Variants in NELL1 observed in about 807,000 individuals in gnomAD.
NELL1 encodes the protein neural EGFL like 1.
Under a neutral mutation model 107.4 loss-of-function variants are expected in NELL1, and 76 were observed. The ratio of observed to expected loss-of-function variants is 0.71; its 90% CI spans 0.59 to 0.86. The LOEUF is 0.86. Among genes scored for constraint, NELL1 ranks in the 40% least tolerant of loss-of-function variants. NELL1 has a pLI of 0.00. For missense variants in NELL1, 1,024 were observed against 1,005.5 expected, an observed-to-expected ratio of 1.02 and a Z score of -0.25; for synonymous variants, 353 against 341.2, an observed-to-expected ratio of 1.03 and a Z score of -0.38.
rs79537791 is a variant in NELL1 at position 20,868,647 on chromosome 11, A to G, written c.507-16797A>G. Among the ~76,000 whole-genome samples, 812 of 152,298 alleles carry G rather than the reference A, an allele frequency of 5.3e-3. 9 individuals are homozygous for G. The highest frequency in any genetic ancestry group is 0.019 in the African/African-American group (784 of 41,572). Reference sequence around the variant, plus strand: ...ATGAATTATATGAATGAGTAAATGAAATAATTATATTTCAATAAAGCTATT... The same window carrying G: ...ATGAATTATATGAATGAGTAAATGAGATAATTATATTTCAATAAAGCTATT... On this transcript the variant is annotated intron_variant, in intron 4 of 19. Transcript: ENST00000357134.
chr11:20,727,430 T>A (rs1402256257), intron 2 of NELL1, among the ~76,000 whole-genome samples: 2 of 152,230 alleles, frequency 1.3e-5, no homozygotes, highest in Non-Finnish European at 2.9e-5. Context: ...CTTTGCCCAC[T>A]TTTTGATGGG....
At chr11:21,090,284 A>G (rs1308654119) in intron 12 of NELL1, among the ~76,000 whole-genome samples, 1 of 152,188 alleles carries the variant, frequency 6.6e-6, no homozygotes, top group Non-Finnish European at 1.5e-5. Context: ...GGTGTTAGCC[A>G]CAAAATTATG....
chr11:21,301,005 C>T (rs1488212426), intron 14 of NELL1, among the ~76,000 whole-genome samples: 3 of 152,182 alleles, frequency 2.0e-5, no homozygotes, highest in Admixed American at 1.3e-4. Context: ...GTTTGGTTTT[C>T]TGTCCTTGCG....
chr11:20,958,873 C>A (rs1433488270), intron 11 of NELL1, among the ~76,000 whole-genome samples: 4 of 152,138 alleles, frequency 2.6e-5, no homozygotes, highest in East Asian at 3.9e-4. Flanking sequence ...AATGTCCATC[C>A]ATGGTATAGG....
At chr11:21,261,056 A>C (rs1005139397) in intron 14 of NELL1, among the ~76,000 whole-genome samples, 2 of 151,814 alleles carry the variant, frequency 1.3e-5, no homozygotes, top group Non-Finnish European at 2.9e-5. Flanking sequence ...ATAGTTAGCA[A>C]CTGTATTCAG....
chr11:21,323,309 T>C (rs1850055554), intron 14 of NELL1, among the ~76,000 whole-genome samples: 1 of 152,192 alleles, frequency 6.6e-6, no homozygotes, highest in Admixed American at 6.5e-5. Context: ...AGCTCGCTGA[T>C]GGTTCTCTTC....
intron 2 of NELL1, among the ~76,000 whole-genome samples, chr11:20,720,027 G>T: frequency 6.6e-6 from 1 of 152,168 alleles, no homozygotes; most frequent in Non-Finnish European, 1.5e-5. Context: ...TCAAGGCTGA[G>T]TTTTTTTGTT....
intron 4 of NELL1, among the ~76,000 whole-genome samples, chr11:20,850,972 T>C (rs907009480): frequency 3.9e-5 from 6 of 152,116 alleles, no homozygotes; most frequent in Non-Finnish European, 5.9e-5. Flanking sequence ...AACCCAAACT[T>C]TGAGTCTGAA....
chr11:20,819,655 T>C (rs1857706184), intron 3 of NELL1, among the ~76,000 whole-genome samples: 1 of 152,200 alleles, frequency 6.6e-6, no homozygotes, highest in South Asian at 2.1e-4. Context: ...AAATATAACA[T>C]TCAGCCTTTA....
intron 12 of NELL1, among the ~76,000 whole-genome samples, chr11:21,025,893 A>G (rs1174350825): frequency 2.6e-5 from 4 of 152,184 alleles, no homozygotes; most frequent in African/African-American, 4.8e-5. Context: ...ATTAAAGGCA[A>G]TTATTCCAGT....
At chr11:21,515,882 T>A (rs185888438) in intron 15 of NELL1, among the ~76,000 whole-genome samples, 2 of 152,202 alleles carry the variant, frequency 1.3e-5, no homozygotes, top group Non-Finnish European at 2.9e-5. Flanking sequence ...GAAGCTCTAA[T>A]GAGCTGAACG....
At chr11:21,046,406 G>A (rs538401829) in intron 12 of NELL1, among the ~76,000 whole-genome samples, 9 of 152,022 alleles carry the variant, frequency 5.9e-5, no homozygotes, top group Admixed American at 5.9e-4. Flanking sequence ...GCCTAGATTG[G>A]GTTTAGCATG....
At chr11:21,087,979 T>C (rs1168995264) in intron 12 of NELL1, among the ~76,000 whole-genome samples, 1 of 151,968 alleles carries the variant, frequency 6.6e-6, no homozygotes, top group African/African-American at 2.4e-5. Flanking sequence ...ATTTTAAAGT[T>C]TGCCATCCCT....
At chr11:21,204,110 G>T (rs1365979572) in intron 13 of NELL1, among the ~76,000 whole-genome samples, 3 of 152,130 alleles carry the variant, frequency 2.0e-5, no homozygotes, top group Admixed American at 6.5e-5. Context: ...TTCTCGAAGA[G>T]TATTTTTGTG....
At chr11:21,568,503 A>G (rs528479442) in intron 17 of NELL1, among the ~76,000 whole-genome samples, 1 of 151,902 alleles carries the variant, frequency 6.6e-6, no homozygotes. Context: ...TTTTTACTTT[A>G]TAAACTTTTT....
At chr11:20,852,254 A>G (rs1303588701) in intron 4 of NELL1, among the ~76,000 whole-genome samples, 2 of 152,204 alleles carry the variant, frequency 1.3e-5, no homozygotes, top group Non-Finnish European at 2.9e-5. Context: ...TGATTAGTCT[A>G]GACTAGACTA....
At chr11:20,688,201 TAA>T (rs1222857927) in intron 2 of NELL1, among the ~76,000 whole-genome samples, 4 of 152,232 alleles carry the variant, frequency 2.6e-5, no homozygotes, top group Non-Finnish European at 4.4e-5. Context: ...TTTTTTAAAT[TAA>T]AAAAGTTTTC....
intron 2 of NELL1, among the ~76,000 whole-genome samples, chr11:20,776,166 C>T (rs933324651): frequency 2.6e-5 from 4 of 152,004 alleles, no homozygotes; most frequent in Non-Finnish European, 4.4e-5. Context: ...GGCTGGGGGC[C>T]GTGGCTCATG....
At chr11:21,304,743 A>C (rs1443608537) in intron 14 of NELL1, among the ~76,000 whole-genome samples, 1 of 151,860 alleles carries the variant, frequency 6.6e-6, no homozygotes, top group Non-Finnish European at 1.5e-5. Context: ...ATTCTGTATC[A>C]TCGACTTAAT....
Sources: allele counts gnomAD v4.1 joint callset (sites outside exome capture counted in the v4.1 genomes callset), GRCh38; gene constraint gnomAD v4.1.1; transcripts MANE v1.5; gene names NCBI Gene and HGNC (gene_info 2026-07-23, HGNC 2026-07-21).